KCNT2: variants seen among roughly 807,000 people sequenced by gnomAD.
The protein encoded by KCNT2 is potassium sodium-activated channel subfamily T member 2.
Under a neutral mutation model 153.8 loss-of-function variants are expected in KCNT2, and 67 were observed. The ratio of observed to expected loss-of-function variants is 0.44; its 90% confidence interval spans 0.36 to 0.53. The LOEUF is 0.53. KCNT2 is among the 20% of genes least tolerant of loss of function. The pLI is 0.00. For missense variants in KCNT2, 975 were observed against 1,354.8 expected, an observed-to-expected ratio of 0.72 and a Z score of 4.40; for synonymous variants, 500 against 458.8, an observed-to-expected ratio of 1.09 and a Z score of -1.15.
At chr1:196,318,000 T>A (rs950028823) in intron 20 of KCNT2, among the ~76,000 whole-genome samples, 22 of 151,714 alleles carry the variant, frequency 1.5e-4, no homozygotes, top group African/African-American at 2.9e-4. Flanking sequence ...GCATTTATTT[T>A]TTTTTTTTAA....
At chr1:196,574,929 A>G (rs1661182234) in intron 1 of KCNT2, among the ~76,000 whole-genome samples, 2 of 152,032 alleles carry the variant, frequency 1.3e-5, no homozygotes, top group South Asian at 4.1e-4. Flanking sequence ...AACAAGTAAC[A>G]TGGTGCCTTC....
chr1:196,561,331 G>T (rs564842033), intron 1 of KCNT2, among the ~76,000 whole-genome samples: 1 of 151,596 alleles, frequency 6.6e-6, no homozygotes, highest in Admixed American at 6.6e-5. Context: ...TAGAGGAATG[G>T]ACTAGTCTTT....
Position 196,376,547 on chromosome 1 carries a change from G to A in KCNT2, c.1295-3299C>T, listed in dbSNP as rs1317536158. 2.0e-5 allele frequency among the ~76,000 whole-genome samples: 3 copies of A among 151,554 alleles called. No homozygotes were observed. In the East Asian group the frequency reaches 5.9e-4, roughly 30 times the overall value. ...TTCCTGGTTTTGGAATTACAGCTAA[G>A]GGATTGTGGACTGTTATTCAAACTC... is the stretch of plus-strand genomic sequence containing the variant. On this transcript the variant is annotated intron_variant, in intron 13 of 27. Coordinates refer to ENST00000294725, the MANE Select transcript of KCNT2 (RefSeq NM_198503.5).
rs777096243 is a variant in KCNT2 at position 196,334,043 on chromosome 1, A to T, written c.1801T>A (p.Leu601Met). ...GCTGATCTACAGCTTGTATCTTGCAAGTCTATAGCCACAGTACCTAAAACA... is the reference window on the plus strand; with the variant it reads ...GCTGATCTACAGCTTGTATCTTGCATGTCTATAGCCACAGTACCTAAAACA... Reference protein sequence around the residue: ...IASMGTVAIDLQDTSCRSASG... With the variant: ...IASMGTVAIDMQDTSCRSASG... The change falls in exon 17 of 28, where the codon TTG (leucine) becomes ATG (methionine). Residue 601 changes from leucine (L) to methionine (M), a missense_variant. Physicochemically the swap from Leu to Met is conservative, Grantham distance 15 (BLOSUM62 2). Around this residue, in one of 6 missense-constraint regions of KCNT2, gnomAD observed 325 missense variants for 388.1 expected, o/e 0.84. Coordinates refer to ENST00000294725, the MANE Select transcript of KCNT2 (RefSeq NM_198503.5). 3.7e-6 allele frequency: 6 copies of T among 1,612,684 alleles called. No individual in the cohort carries two copies. Among genetic ancestry groups the T allele is most frequent in the Non-Finnish European group, 5.1e-6 (6 of 1,179,240 alleles).
chr1:196,321,775 C>T (rs1471201386), intron 19 of KCNT2, among the ~76,000 whole-genome samples: 1 of 151,758 alleles, frequency 6.6e-6, no homozygotes, highest in Non-Finnish European at 1.5e-5. Context: ...TCATCTACTA[C>T]AGCTATTGAA....
intron 1 of KCNT2, among the ~76,000 whole-genome samples, chr1:196,604,656 G>A (rs1450841607): frequency 6.6e-6 from 1 of 152,034 alleles, no homozygotes. Context: ...TGAGAGAGAA[G>A]CAATTATCTA....
At chr1:196,465,602 T>C (rs1197954852) in intron 7 of KCNT2, among the ~76,000 whole-genome samples, 1 of 151,876 alleles carries the variant, frequency 6.6e-6, no homozygotes, top group Non-Finnish European at 1.5e-5. Context: ...AAGATATTGC[T>C]GTAGGAAGAC....
At chr1:196,492,400 T>G (rs1013913104) in intron 1 of KCNT2, 59 bp from the exon 2 acceptor site, 1 of 1,149,892 alleles carries the variant, frequency 8.7e-7, no homozygotes, top group Non-Finnish European at 1.1e-6. Context: ...TTTATTTTCA[T>G]GAAGATCAAC....
chr1:196,419,139 T>G (rs1201419761), intron 12 of KCNT2, among the ~76,000 whole-genome samples: 2 of 151,886 alleles, frequency 1.3e-5, no homozygotes, highest in East Asian at 3.9e-4. Context: ...AATAACTTCT[T>G]TCTACTTTCT....
intron 22 of KCNT2, among the ~76,000 whole-genome samples, chr1:196,287,051 A>T (rs939949438): frequency 2.6e-5 from 4 of 152,080 alleles, no homozygotes; most frequent in Admixed American, 6.6e-5. Flanking sequence ...TCTCACGTGT[A>T]TCTATAGTGT....
intron 1 of KCNT2, among the ~76,000 whole-genome samples, chr1:196,511,185 A>G (rs1681599611): frequency 6.6e-6 from 1 of 151,986 alleles, no homozygotes; most frequent in Admixed American, 6.6e-5. Flanking sequence ...TGGCTTAGCA[A>G]AAAAGTAAGG....
intron 25 of KCNT2, among the ~76,000 whole-genome samples, chr1:196,274,572 TTAA>T (rs944454192): frequency 2.0e-5 from 3 of 151,682 alleles, no homozygotes; most frequent in African/African-American, 7.2e-5. Flanking sequence ...AATTTGTATC[TTAA>T]TAATATATTT....
chr1:196,532,806 C>T (rs1019117137), intron 1 of KCNT2, among the ~76,000 whole-genome samples: 1 of 152,096 alleles, frequency 6.6e-6, no homozygotes, highest in African/African-American at 2.4e-5. Context: ...TAATCAAGCT[C>T]ATAATCTCTT....
At chr1:196,456,040 T>C (rs1161063506) in intron 8 of KCNT2, among the ~76,000 whole-genome samples, 2 of 152,074 alleles carry the variant, frequency 1.3e-5, no homozygotes, top group Admixed American at 6.6e-5. Context: ...CTCACTCTAG[T>C]AACTTTATTC....
At chr1:196,422,758 ACATAT>A (rs911704635) in intron 12 of KCNT2, among the ~76,000 whole-genome samples, 8 of 152,056 alleles carry the variant, frequency 5.3e-5, no homozygotes, top group Admixed American at 4.6e-4. Context: ...TAACAAAACT[ACATAT>A]CATAAGACAT....
At chr1:196,285,136 T>A (rs1255671917) in intron 23 of KCNT2, among the ~76,000 whole-genome samples, 3 of 152,180 alleles carry the variant, frequency 2.0e-5, no homozygotes, top group African/African-American at 7.2e-5. Context: ...AAAAGTTAAC[T>A]TGGCATTCAG....
chr1:196,305,155 AT>A (rs549540441), intron 22 of KCNT2, 78 bp downstream of exon 22: 98 of 843,462 alleles, frequency 1.2e-4, no homozygotes, highest in South Asian at 2.0e-4. Flanking sequence ...ATCTCATGGC[AT>A]TTTTTTTATA....
intron 4 of KCNT2, among the ~76,000 whole-genome samples, chr1:196,479,538 T>C (rs1678825970): frequency 6.6e-6 from 1 of 152,220 alleles, no homozygotes; most frequent in Non-Finnish European, 1.5e-5. Flanking sequence ...GTTTACATGA[T>C]ATATAAAGAA....
In KCNT2 at chr1:196,228,025, G is replaced by A; in HGVS notation, c.*199C>T. The stretch of plus-strand genomic sequence containing the variant: ...AGCTTTTCAAATTTATTCCATTGAG[G>A]TCCTTCAAATATTAATAGGGAGAGT... On this transcript the variant is annotated 3_prime_UTR_variant, in exon 28 of 28. Coordinates refer to ENST00000294725, the MANE Select transcript of KCNT2 (RefSeq NM_198503.5). The A allele has an allele frequency of 2.6e-6, 1 of 389,192 alleles. No homozygotes were observed. Among genetic ancestry groups the A allele is most frequent in the Non-Finnish European group, 4.6e-6 (1 of 219,458 alleles). 24.1% of individuals were successfully genotyped at this position (389,192 alleles called of 1,614,324 possible). A position where few individuals can be genotyped will look rare whatever the true frequency, so the allele number is the denominator to read the frequency against.
Sources: gnomAD v4.1 joint callset for allele counts (sites outside exome capture counted in the v4.1 genomes callset) on GRCh38, gnomAD v4.1.1 for gene constraint, gnomAD v4.1.1 regional missense constraint, MANE v1.5 for transcripts, NCBI Gene and HGNC (gene_info 2026-07-23, HGNC 2026-07-21) for gene names.